The following ADGRL2 variants were observed in gnomAD, a reference collection of about 807,000 sequenced individuals.
The protein encoded by ADGRL2 is adhesion G protein-coupled receptor L2.
ADGRL2 carries 44 observed loss-of-function variants against 157.4 expected under a neutral mutation model. The ratio of observed to expected loss-of-function variants is 0.28; its 90% CI spans 0.22 to 0.36. ADGRL2 has a LOEUF of 0.36. Ranked by LOEUF, ADGRL2 falls within the 10% of genes least tolerant of loss-of-function variation. The probability of loss-of-function intolerance (pLI) is 1.00; values close to 1 mark genes in which losing one functional copy is unlikely to be tolerated. For missense variants in ADGRL2, 1,510 were observed against 1,768.9 expected (o/e 0.85, Z 2.63); for synonymous variants, 585 against 624.7 (o/e 0.94, Z 0.95).
intron 1 of ADGRL2, among the ~76,000 whole-genome samples, chr1:81,327,880 G>A (rs1288864925): frequency 6.6e-6 from 1 of 152,116 alleles, no homozygotes; most frequent in African/African-American, 2.4e-5. Flanking sequence ...CCGTGGACAA[G>A]GCCCATTAGT....
chr1:81,823,568 CTG>C (rs1557712770), intron 1 of ADGRL2, among the ~76,000 whole-genome samples: 2 of 152,100 alleles, frequency 1.3e-5, no homozygotes, highest in East Asian at 3.9e-4. Context: ...TTCATCATAA[CTG>C]TGTTCAGTTA....
rs2078800290 is a variant in ADGRL2, at chr1:81,499,593, G to T, written c.-248+54504G>T. ...TTGAGCCTAGAATCTATGCCCTTGT[G>T]AGAACCCCACAGGCAGGAAGCATCT... On this transcript the variant is annotated intron_variant, in intron 2 of 24. Transcript: ENST00000370721. Among the ~76,000 whole-genome samples the T allele has an allele frequency of 2.0e-5, 3 of 152,320 alleles. 1 individual carries two copies. Among genetic ancestry groups the T allele is most frequent in the Middle Eastern group, 6.8e-3 (2 of 294 alleles).
intron 8 of ADGRL2, 69 bp from the exon 9 acceptor site, chr1:81,951,888 C>T (rs1651935517): frequency 2.4e-6 from 3 of 1,258,238 alleles, no homozygotes; most frequent in South Asian, 1.6e-5. Context: ...AATAAAGATA[C>T]TCAAGGAGAA....
chr1:81,627,622 T>C (rs1462831658), intron 3 of ADGRL2, among the ~76,000 whole-genome samples: 1 of 152,170 alleles, frequency 6.6e-6, no homozygotes, highest in Admixed American at 6.5e-5. Flanking sequence ...AGATTAAATA[T>C]AATAATTTTT....
chr1:81,390,589 T>A (rs1308630728), intron 1 of ADGRL2, among the ~76,000 whole-genome samples: 1 of 152,032 alleles, frequency 6.6e-6, no homozygotes, highest in African/African-American at 2.4e-5. Context: ...ATCATTTGTT[T>A]CAATTTATTG....
chr1:81,908,424 T>TGACC (rs1356826736), intron 3 of ADGRL2, among the ~76,000 whole-genome samples: 1 of 152,208 alleles, frequency 6.6e-6, no homozygotes, highest in East Asian at 1.9e-4. Flanking sequence ...TTTGTTGGCT[T>TGACC]GATAGTTCAT....
intron 2 of ADGRL2, among the ~76,000 whole-genome samples, chr1:81,447,658 A>G (rs568516555): frequency 6.6e-6 from 1 of 152,314 alleles, no homozygotes; most frequent in East Asian, 1.9e-4. Flanking sequence ...ACCTCAAAGA[A>G]AAAGGCTGAT....
chr1:81,446,102 C>T (rs2077592035), intron 2 of ADGRL2, among the ~76,000 whole-genome samples: 1 of 152,082 alleles, frequency 6.6e-6, no homozygotes, highest in Non-Finnish European at 1.5e-5. Flanking sequence ...AGCCTCTCTC[C>T]TATACTTTCA....
chr1:81,451,466 T>C (rs1341557944), intron 2 of ADGRL2, among the ~76,000 whole-genome samples: 1 of 152,210 alleles, frequency 6.6e-6, no homozygotes, highest in African/African-American at 2.4e-5. Context: ...GAGAAGAGCA[T>C]TGCTAACATT....
chr1:81,346,112 T>A (rs1414878048), intron 1 of ADGRL2, among the ~76,000 whole-genome samples: 2 of 152,128 alleles, frequency 1.3e-5, no homozygotes, highest in African/African-American at 4.8e-5. Flanking sequence ...CTGATAAATA[T>A]TAGAAATATT....
chr1:81,815,032 C>G, intron 1 of ADGRL2, among the ~76,000 whole-genome samples: 1 of 151,438 alleles, frequency 6.6e-6, no homozygotes, highest in East Asian at 1.9e-4. Flanking sequence ...AACTTTGTCT[C>G]TAATATTTGT....
At chr1:81,855,340 C>A (rs770069361) in intron 2 of ADGRL2, among the ~76,000 whole-genome samples, 2 of 152,010 alleles carry the variant, frequency 1.3e-5, no homozygotes, top group Non-Finnish European at 2.9e-5. Flanking sequence ...ACTTAGGAGG[C>A]TAAGGTGGGA....
At chr1:81,862,291 G>A (rs940695442) in intron 2 of ADGRL2, among the ~76,000 whole-genome samples, 2 of 152,018 alleles carry the variant, frequency 1.3e-5, no homozygotes, top group African/African-American at 4.8e-5. Context: ...TACGTTATGG[G>A]TAAATTTCCC....
At chr1:81,579,909 A>G (rs1372252001) in intron 2 of ADGRL2, among the ~76,000 whole-genome samples, 3 of 152,146 alleles carry the variant, frequency 2.0e-5, no homozygotes, top group African/African-American at 4.8e-5. Flanking sequence ...TGTACGTAAA[A>G]TTACCAGATT....
At chr1:81,718,269 C>G (rs1030511535) in intron 1 of ADGRL2, among the ~76,000 whole-genome samples, 4 of 152,148 alleles carry the variant, frequency 2.6e-5, no homozygotes, top group Admixed American at 2.0e-4. Flanking sequence ...CTGCCTGCCT[C>G]GGCCTCCCAA....
chr1:81,404,411 TAATC>T (rs1043401045), intron 1 of ADGRL2, among the ~76,000 whole-genome samples: 1 of 152,208 alleles, frequency 6.6e-6, no homozygotes, highest in Non-Finnish European at 1.5e-5. Context: ...TCCAAATATT[TAATC>T]AATTTATCTT....
intron 1 of ADGRL2, among the ~76,000 whole-genome samples, chr1:81,752,453 G>C (rs1041317132): frequency 6.6e-6 from 1 of 152,176 alleles, no homozygotes; most frequent in African/African-American, 2.4e-5. Flanking sequence ...AGAAAAAGGC[G>C]CTATACTTTT....
At chr1:81,541,146 G>A (rs2079874114) in intron 2 of ADGRL2, among the ~76,000 whole-genome samples, 1 of 152,218 alleles carries the variant, frequency 6.6e-6, no homozygotes, top group Non-Finnish European at 1.5e-5. Flanking sequence ...GAACTTCTCT[G>A]ATACCTTATA....
intron 1 of ADGRL2, among the ~76,000 whole-genome samples, chr1:81,412,273 A>T (rs1185520640): frequency 6.6e-6 from 1 of 152,222 alleles, no homozygotes; most frequent in African/African-American, 2.4e-5. Flanking sequence ...TATTGCCTCC[A>T]CAAGTCATTA....
Sources: gnomAD v4.1 joint callset for allele counts (sites outside exome capture counted in the v4.1 genomes callset) on GRCh38, gnomAD v4.1.1 for gene constraint, MANE v1.5 for transcripts, NCBI Gene and HGNC (gene_info 2026-07-23, HGNC 2026-07-21) for gene names.